SLCO1C1: variants seen among roughly 807,000 people sequenced by gnomAD.
The protein encoded by SLCO1C1 is solute carrier organic anion transporter family member 1C1, also known as OAT-RP-5.
SLCO1C1 carries 70 observed loss-of-function variants against 76.4 expected under a neutral mutation model. The ratio of observed to expected loss-of-function variants is 0.92; its 90% confidence interval spans 0.76 to 1.12. The LOEUF is 1.12. Among genes scored for constraint, SLCO1C1 ranks in the 50% most tolerant of loss-of-function variants. SLCO1C1 has a pLI of 0.00. For missense variants in SLCO1C1, 912 were observed against 823.8 expected (o/e 1.11, Z -1.31); for synonymous variants, 306 against 286.1 (o/e 1.07, Z -0.70).
chr12:20,715,270 G>A lies in SLCO1C1; in HGVS notation c.661G>A (p.Ala221Thr), dbSNP rs745628472. 3.1e-6 allele frequency: 5 copies of A among 1,613,948 alleles called. No individual in the cohort carries two copies. The highest frequency in any genetic ancestry group is 4.2e-6 in the Non-Finnish European group (5 of 1,179,892). Residue 221 changes from alanine to threonine, a missense_variant, in exon 6 of 15, where the codon GCA (alanine) becomes ACA (threonine). Ala to Thr is a moderately conservative substitution (Grantham distance 58, BLOSUM62 0). Coordinates refer to ENST00000266509, the MANE Select transcript of SLCO1C1 (RefSeq NM_017435.5). ...YLDDFASEDN[A>T]AFYIGCVQTV... ...GGATGATTTTGCCAGTGAAGACAAT[G>A]CAGCTTTCTATATTGGTAATATTGG...
intron 10 of SLCO1C1, among the ~76,000 whole-genome samples, chr12:20,733,329 T>G (rs756965324): frequency 3.3e-5 from 5 of 152,208 alleles, no homozygotes; most frequent in Non-Finnish European, 5.9e-5. Context: ...ACCCATATTT[T>G]ACACTAGAGA....
intron 13 of SLCO1C1, among the ~76,000 whole-genome samples, chr12:20,747,881 A>G (rs1342750623): frequency 5.9e-5 from 9 of 152,314 alleles, no homozygotes; most frequent in Middle Eastern, 3.4e-3. Flanking sequence ...CAATTACCCA[A>G]TTTCAACAAT....
intron 9 of SLCO1C1, among the ~76,000 whole-genome samples, chr12:20,724,445 ATATATATGTGTG>A (rs1947851031): frequency 2.1e-5 from 2 of 96,516 alleles, no homozygotes; most frequent in Non-Finnish European, 4.2e-5. Context: ...ATATATATAT[ATATATATGTGTG>A]TGTGTGTGTG....
At chr12:20,729,291 A>G (rs1249159033) in intron 9 of SLCO1C1, among the ~76,000 whole-genome samples, 1 of 152,160 alleles carries the variant, frequency 6.6e-6, no homozygotes, top group Non-Finnish European at 1.5e-5. Context: ...AAATGTACTA[A>G]TCTTTTTTGG....
chr12:20,713,133 G>A lies in SLCO1C1; in HGVS notation c.529+1623G>A, dbSNP rs371495390. 3.6e-4 allele frequency among the ~76,000 whole-genome samples: 54 copies of A among 148,370 alleles called. No homozygotes were observed. The South Asian group carries it at 0.011, about 30-fold the overall frequency. On this transcript the variant is annotated intron_variant, in intron 5 of 14. Coordinates refer to ENST00000266509, the MANE Select transcript of SLCO1C1 (RefSeq NM_017435.5). ...CTCGCTCTGTCGCCCAGGCTGGAGT[G>A]CAGTGGCGCGATCTCGGCTCACTGC...
chr12:20,695,566 A>T lies in SLCO1C1; in HGVS notation c.-267A>T, dbSNP rs1946230762. ...TGGCCAATTCTCTGCTGACTGCCAG[A>T]AAAAAGAGGCCAGGAAGAAAGAGGA... is the stretch of plus-strand genomic sequence containing the variant. On this transcript the variant is annotated 5_prime_UTR_variant, in exon 1 of 15. Transcript: ENST00000266509. The T allele has an allele frequency of 6.6e-6, 1 of 152,196 alleles. No homozygotes were observed. Among genetic ancestry groups the T allele is most frequent in the Admixed American group, 6.5e-5 (1 of 15,268 alleles). The allele number at this position is 152,196 out of a possible 1,614,324, so 9.4% of individuals were successfully genotyped here. A position where few individuals can be genotyped will look rare whatever the true frequency, so the allele number is the denominator to read the frequency against.
Position 20,717,175 on chromosome 12 carries a change from C to T in SLCO1C1, c.720C>T (p.Phe240=), listed in dbSNP as rs779157607. 3 of 1,601,374 alleles carry T rather than the reference C, an allele frequency of 1.9e-6. No individual in the cohort carries two copies. Among genetic ancestry groups the T allele is most frequent in the Non-Finnish European group, 2.6e-6 (3 of 1,175,894 alleles). ...TVAIIGPIFG[F]LLGSLCAKLY... is the part of the protein sequence containing the mutation. ...CAATTATAGGACCAATCTTTGGTTT[C>T]CTGTTAGGCTCATTATGTGCCAAAC... The change falls in exon 7 of 15, where the codon TTC becomes TTT. Residue 240 remains phenylalanine, a synonymous_variant. Coordinates refer to ENST00000266509, the MANE Select transcript of SLCO1C1 (RefSeq NM_017435.5).
chr12:20,701,245 TTGTC>T (rs1319708731), intron 2 of SLCO1C1, 69 bp from the exon 3 acceptor site: 29 of 1,320,194 alleles, frequency 2.2e-5, no homozygotes, highest in African/African-American at 8.9e-5. Flanking sequence ...TTGTATTTGT[TTGTC>T]TATTTACTTA....
chr12:20,715,169 G>T lies in SLCO1C1; in HGVS notation c.560G>T (p.Trp187Leu), dbSNP rs775682616. The T allele has an allele frequency of 6.2e-7, 1 of 1,614,048 alleles. No homozygotes were observed. Among genetic ancestry groups the T allele is most frequent in the Non-Finnish European group, 8.5e-7 (1 of 1,179,938 alleles). The change falls in exon 6 of 15, where the codon TGG becomes TTG. Residue 187 changes from tryptophan to leucine, a missense_variant. Trp to Leu is a moderately conservative substitution (Grantham distance 61). Transcript: ENST00000266509. The stretch of plus-strand genomic sequence containing the variant: ...GAAGTGGACACTAGCTCTTCCATGT[G>T]GATTTATGTTTTCCTGGGCAATCTT... ...ECEVDTSSSM[W>L]IYVFLGNLLR...
At chr12:20,722,875 A>G (rs569720906) in intron 8 of SLCO1C1, among the ~76,000 whole-genome samples, 120 of 152,278 alleles carry the variant, frequency 7.9e-4, no homozygotes, top group African/African-American at 2.8e-3. Flanking sequence ...GTCTGTAGAA[A>G]TGAGTGCCTA....
At position 20,715,238 on chromosome 12, in the gene SLCO1C1, C is replaced by A. The variant is rs975316376; in HGVS notation, c.629C>A (p.Ala210Asp). The stretch of plus-strand genomic sequence containing the variant: ...ACTCCCATTCAGCCTTTGGGCATTG[C>A]CTACCTGGATGATTTTGCCAGTGAA... ...GETPIQPLGI[A>D]YLDDFASEDN... Residue 210 changes from alanine to aspartate, a missense_variant, in exon 6 of 15, where the codon GCC becomes GAC. Coordinates refer to ENST00000266509, the MANE Select transcript of SLCO1C1 (RefSeq NM_017435.5). The A allele has an allele frequency of 6.2e-7, 1 of 1,614,026 alleles. No homozygotes were observed. Among genetic ancestry groups the A allele is most frequent in the African/African-American group, 1.3e-5 (1 of 75,050 alleles).
intron 5 of SLCO1C1, 111 bp from the exon 6 acceptor site, chr12:20,715,028 C>T: frequency 7.4e-7 from 1 of 1,357,120 alleles, no homozygotes. Context: ...GACTATTGCA[C>T]AAAAACTCCT....
chr12:20,715,710 T>C (rs1472891166), intron 6 of SLCO1C1, among the ~76,000 whole-genome samples: 1 of 152,194 alleles, frequency 6.6e-6, no homozygotes, highest in Non-Finnish European at 1.5e-5. Context: ...TAAGCCCTGA[T>C]TATTTAAAGC....
At chr12:20,744,361 T>A (rs1355596964) in intron 13 of SLCO1C1, among the ~76,000 whole-genome samples, 1 of 152,046 alleles carries the variant, frequency 6.6e-6, no homozygotes, top group Non-Finnish European at 1.5e-5. Flanking sequence ...AAAATAATAT[T>A]TGAAATTGGC....
chr12:20,699,699 A>G lies in SLCO1C1; in HGVS notation c.123A>G (p.Glu41=). 1 of 1,609,324 alleles carries G rather than the reference A, an allele frequency of 6.2e-7. No individual in the cohort carries two copies. The highest frequency in any genetic ancestry group is 8.5e-7 in the Non-Finnish European group (1 of 1,178,014). The change falls in exon 2 of 15, where the codon GAA becomes GAG. Residue 41 remains glutamate, a synonymous_variant. Coordinates refer to ENST00000266509, the MANE Select transcript of SLCO1C1 (RefSeq NM_017435.5). ...AAGAAAAGCAACCATGCTGTGGTGA[A>G]CTAAAGGTAGAGCAACCAAGAAGTA... ...SSEEKQPCCG[E]LKVFLCALSF...
In SLCO1C1 at chr12:20,709,769, T is replaced by G. The variant is rs1396723116; in HGVS notation, c.405-1617T>G. On this transcript the variant is annotated intron_variant, in intron 4 of 14. Coordinates refer to ENST00000266509, the MANE Select transcript of SLCO1C1 (RefSeq NM_017435.5). ...GGTGGCGGGCGCCTGTAGTCCCAGCTACTCGGGAGGCTGAGGCAGGAGAAT... is the reference window on the plus strand; with the variant it reads ...GGTGGCGGGCGCCTGTAGTCCCAGCGACTCGGGAGGCTGAGGCAGGAGAAT... Among the ~76,000 whole-genome samples, 4 of 56,842 alleles carry G rather than the reference T, an allele frequency of 7.0e-5. 2 individuals carry two copies. The highest frequency in any genetic ancestry group is 1.6e-4 in the Non-Finnish European group (4 of 25,112). The allele number at this position is 56,842 out of a possible 152,430, so 37.3% of individuals were successfully genotyped here. A position where few individuals can be genotyped will look rare whatever the true frequency, so the allele number is the denominator to read the frequency against.
At chr12:20,734,292 C>T (rs900080337) in intron 10 of SLCO1C1, among the ~76,000 whole-genome samples, 9 of 152,138 alleles carry the variant, frequency 5.9e-5, no homozygotes, top group African/African-American at 9.7e-5. Flanking sequence ...TCATAAATTA[C>T]GGCTTCTGGG....
chr12:20,729,265 G>C (rs1393101448), intron 9 of SLCO1C1, among the ~76,000 whole-genome samples: 1 of 152,148 alleles, frequency 6.6e-6, no homozygotes. Flanking sequence ...GGAGAATCAA[G>C]CCAACGTTAT....
chr12:20,719,100 C>CTATTAT (rs71039975), intron 7 of SLCO1C1, among the ~76,000 whole-genome samples: 25,452 of 145,570 alleles, frequency 0.17, 2,869 homozygotes, highest in Non-Finnish European at 0.25. Context: ...CAAGCTTTTA[C>CTATTAT]TATTATTATT....
Sources: gnomAD v4.1 joint callset for allele counts (sites outside exome capture counted in the v4.1 genomes callset) on GRCh38, gnomAD v4.1.1 for gene constraint, MANE v1.5 for transcripts, NCBI Gene and HGNC (gene_info 2026-07-23, HGNC 2026-07-21) for gene names.